The following TMEFF2 variants were observed in gnomAD, a reference collection of about 807,000 sequenced individuals.
TMEFF2 encodes the protein tomoregulin-2.
In TMEFF2, 28 loss-of-function variants were observed where a neutral mutation model predicts 53.8. The observed-to-expected ratio is 0.52, with a 90% CI of 0.39 to 0.71. The LOEUF is 0.71. Ranked by LOEUF, TMEFF2 falls within the 30% of genes least tolerant of loss-of-function variation. The probability of loss-of-function intolerance (pLI) is 0.00; values close to 1 mark genes in which losing one functional copy is unlikely to be tolerated. For synonymous variants in TMEFF2, 162 were observed against 166.3 expected (o/e 0.97, Z 0.20); for missense variants, 353 against 455.2 (o/e 0.78, Z 2.04).
intron 4 of TMEFF2, among the ~76,000 whole-genome samples, chr2:192,071,126 G>A (rs1688285669): frequency 6.6e-6 from 1 of 151,912 alleles, no homozygotes; most frequent in Non-Finnish European, 1.5e-5. Flanking sequence ...AATGTGTCAT[G>A]TAATTTGAAA....
At chr2:191,978,483 GATCT>G (rs1685781757) in intron 7 of TMEFF2, among the ~76,000 whole-genome samples, 1 of 148,484 alleles carries the variant, frequency 6.7e-6, no homozygotes, top group African/African-American at 2.5e-5. Flanking sequence ...CAATTATATT[GATCT>G]ATCTGAAGAC....
At chr2:192,122,402 T>C (rs1689577435) in intron 4 of TMEFF2, among the ~76,000 whole-genome samples, 1 of 152,206 alleles carries the variant, frequency 6.6e-6, no homozygotes, top group Non-Finnish European at 1.5e-5. Flanking sequence ...ACTCTGCCAA[T>C]GTAGAAGCTT....
intron 4 of TMEFF2, among the ~76,000 whole-genome samples, chr2:192,167,545 CTTCT>C (rs1269303705): frequency 6.6e-6 from 1 of 152,104 alleles, no homozygotes; most frequent in Non-Finnish European, 1.5e-5. Context: ...CTCCTTTCTC[CTTCT>C]GTTATTTTGC....
At chr2:192,171,532 T>C (rs1459810772) in intron 4 of TMEFF2, among the ~76,000 whole-genome samples, 1 of 151,982 alleles carries the variant, frequency 6.6e-6, no homozygotes, top group Non-Finnish European at 1.5e-5. Context: ...TTTCTGTTTC[T>C]GGCCTTGAGG....
At chr2:191,998,534 G>GAGA (rs922056981) in intron 6 of TMEFF2, among the ~76,000 whole-genome samples, 1 of 151,818 alleles carries the variant, frequency 6.6e-6, no homozygotes, top group Non-Finnish European at 1.5e-5. Flanking sequence ...TAAAGTTTGG[G>GAGA]AGAAGAAGAA....
At position 192,163,263 on chromosome 2, in the gene TMEFF2, A is replaced by G. The variant is rs1186547069; in HGVS notation, c.439+16405T>C. The stretch of plus-strand genomic sequence containing the variant: ...CGCTATTGTGTGGACATTTACATTG[A>G]CAAAGAAGGAGAAATGCTCCAAAGG... On this transcript the variant is annotated intron_variant, in intron 4 of 9. Transcript: ENST00000272771. 2.0e-5 allele frequency among the ~76,000 whole-genome samples: 3 copies of G among 152,342 alleles called. No individual in the cohort carries two copies. The East Asian group carries it at 5.8e-4, about 29-fold the overall frequency.
chr2:192,176,512 T>C (rs1691048539), intron 4 of TMEFF2, among the ~76,000 whole-genome samples: 1 of 151,322 alleles, frequency 6.6e-6, no homozygotes, highest in African/African-American at 2.4e-5. Context: ...AAATTTCCTT[T>C]AGGAGAGAAT....
intron 4 of TMEFF2, among the ~76,000 whole-genome samples, chr2:192,109,718 C>T (rs1050232374): frequency 6.6e-6 from 1 of 152,092 alleles, no homozygotes; most frequent in Non-Finnish European, 1.5e-5. Context: ...GAAGTAGGAA[C>T]TTCAATTAGA....
intron 5 of TMEFF2, among the ~76,000 whole-genome samples, chr2:192,056,926 T>C (rs1316000562): frequency 2.0e-5 from 3 of 152,230 alleles, no homozygotes; most frequent in Non-Finnish European, 4.4e-5. Flanking sequence ...GATCTTGGAC[T>C]TCTCAGCCTT....
chr2:192,179,732 T>C, intron 3 of TMEFF2, 38 bp from the exon 4 acceptor site: 1 of 1,513,536 alleles, frequency 6.6e-7, no homozygotes, highest in East Asian at 2.5e-5. Flanking sequence ...GTAAAACATA[T>C]TCAAAAATAT....
intron 1 of TMEFF2, among the ~76,000 whole-genome samples, 178 bp from the exon 2 acceptor site, chr2:192,192,167 G>A (rs148905160): frequency 6.6e-5 from 10 of 152,144 alleles, no homozygotes; most frequent in East Asian, 1.9e-4. Context: ...ATCAATATTC[G>A]TTTCCATTTT....
intron 5 of TMEFF2, among the ~76,000 whole-genome samples, chr2:192,047,433 G>A (rs1365279381): frequency 1.3e-5 from 2 of 152,036 alleles, no homozygotes; most frequent in African/African-American, 4.8e-5. Context: ...TTTGATTGTA[G>A]AAAGCTCATT....
At chr2:192,125,017 C>T (rs1316839364) in intron 4 of TMEFF2, among the ~76,000 whole-genome samples, 3 of 152,270 alleles carry the variant, frequency 2.0e-5, no homozygotes, top group African/African-American at 7.2e-5. Context: ...ACTCTTATGA[C>T]CAAACTTCTC....
chr2:192,018,267 A>G (rs1559086348), intron 5 of TMEFF2, among the ~76,000 whole-genome samples: 1 of 152,216 alleles, frequency 6.6e-6, no homozygotes, highest in Non-Finnish European at 1.5e-5. Context: ...GCCAGGAGGA[A>G]AAACTATCTA....
At chr2:192,034,101 G>C (rs1687217762) in intron 5 of TMEFF2, among the ~76,000 whole-genome samples, 1 of 151,362 alleles carries the variant, frequency 6.6e-6, no homozygotes, top group African/African-American at 2.4e-5. Context: ...CGTGAACCCG[G>C]GAGGCGGAGC....
At chr2:192,179,930 C>G (rs768548812) in intron 3 of TMEFF2, among the ~76,000 whole-genome samples, 1 of 151,268 alleles carries the variant, frequency 6.6e-6, no homozygotes, top group Non-Finnish European at 1.5e-5. Context: ...ATTATTGCCC[C>G]GTTTGGAAAA....
intron 7 of TMEFF2, 33 bp downstream of exon 7, chr2:191,998,229 A>C (rs889787198): frequency 6.6e-7 from 1 of 1,515,208 alleles, no homozygotes; most frequent in African/African-American, 1.4e-5. Context: ...TTAATAGAAG[A>C]GCTCACATTT....
chr2:191,974,815 C>T (rs1692753383), intron 7 of TMEFF2, among the ~76,000 whole-genome samples: 1 of 151,956 alleles, frequency 6.6e-6, no homozygotes, highest in South Asian at 2.1e-4. Context: ...TTTGGAAGTC[C>T]ACTTATTATG....
chr2:192,096,251 T>G (rs760499094), intron 4 of TMEFF2, among the ~76,000 whole-genome samples: 5 of 152,202 alleles, frequency 3.3e-5, no homozygotes, highest in African/African-American at 4.8e-5. Context: ...GTTTGAGCCT[T>G]TTATATAAAG....
Sources: gnomAD v4.1 joint callset for allele counts (sites outside exome capture counted in the v4.1 genomes callset) on GRCh38, gnomAD v4.1.1 for gene constraint, MANE v1.5 for transcripts, NCBI Gene and HGNC (gene_info 2026-07-23, HGNC 2026-07-21) for gene names.